Variants in FOXP1 observed in about 807,000 individuals in gnomAD.
FOXP1 encodes the protein forkhead box protein P1.
Under a neutral mutation model 98.2 loss-of-function variants are expected in FOXP1, and 15 were observed. The ratio of observed to expected loss-of-function variants is 0.15; its 90% CI spans 0.10 to 0.24. The LOEUF is 0.24. Among genes scored for constraint, FOXP1 ranks in the 10% least tolerant of loss-of-function variants. The pLI, the probability that FOXP1 is intolerant of heterozygous loss-of-function variation, is 1.00. For synonymous variants in FOXP1, 371 were observed against 314.5 expected, an observed-to-expected ratio of 1.18 and a Z score of -1.90; for missense variants, 633 against 848.5, an observed-to-expected ratio of 0.75 and a Z score of 3.15.
chr3:70,972,706 A>G (rs2036522882), intron 17 of FOXP1, 30 bp from the exon 18 acceptor site: 6 of 1,612,164 alleles, frequency 3.7e-6, no homozygotes, highest in Non-Finnish European at 5.1e-6. Flanking sequence ...GAGAACATTT[A>G]CATTTTCTAT....
Position 71,581,577 on chromosome 3 carries a change from G to C in FOXP1, c.-326C>G. The C allele has an allele frequency of 3.0e-6, 3 of 985,500 alleles. No homozygotes were observed. The highest frequency in any genetic ancestry group is 3.6e-6 in the Non-Finnish European group (3 of 829,974). The allele number at this position is 985,500 out of a possible 1,614,324, so 61.0% of individuals were successfully genotyped here. The stretch of plus-strand genomic sequence containing the variant: ...CGGAGTCCGGGGAGGGAGTAGGAGC[G>C]CCGCCTTCACGCCCGCGGAGGAGGC... On this transcript the variant is annotated 5_prime_UTR_variant, in exon 2 of 21. Transcript: ENST00000649528.
chr3:71,521,998 C>G (rs2043028331), intron 2 of FOXP1, among the ~76,000 whole-genome samples: 1 of 151,830 alleles, frequency 6.6e-6, no homozygotes, highest in Admixed American at 6.6e-5. Flanking sequence ...TGTTTGAAAG[C>G]AACAGAACAT....
At chr3:71,069,055 T>C (rs992295996) in intron 7 of FOXP1, among the ~76,000 whole-genome samples, 1 of 152,232 alleles carries the variant, frequency 6.6e-6, no homozygotes, top group African/African-American at 2.4e-5. Context: ...CATATTGATA[T>C]TGTTTATGTC....
At chr3:71,413,248 TCCCCCAAATAGAC>T (rs1201850204) in intron 3 of FOXP1, among the ~76,000 whole-genome samples, 1 of 20,134 alleles carries the variant, frequency 5.0e-5, no homozygotes, top group African/African-American at 2.1e-4. Context: ...CACACACACA[TCCCCCAAATAGAC>T]ACACACACAC....
At chr3:71,014,062 C>T (rs2044075034) in intron 12 of FOXP1, among the ~76,000 whole-genome samples, 3 of 152,232 alleles carry the variant, frequency 2.0e-5, no homozygotes, top group Admixed American at 1.3e-4. Flanking sequence ...AAAAAGAAAA[C>T]CTAGGCAATA....
intron 5 of FOXP1, among the ~76,000 whole-genome samples, chr3:71,293,918 T>C (rs1360111868): frequency 6.6e-6 from 1 of 152,214 alleles, no homozygotes; most frequent in African/African-American, 2.4e-5. Context: ...ACCATTCTCT[T>C]AGATTTAAAA....
intron 5 of FOXP1, among the ~76,000 whole-genome samples, chr3:71,231,576 C>A (rs1451969895): frequency 1.3e-5 from 2 of 152,198 alleles, no homozygotes; most frequent in Non-Finnish European, 2.9e-5. Flanking sequence ...GAATTCTGGA[C>A]ACTTCAAATT....
At chr3:71,237,971 A>C (rs993362085) in intron 5 of FOXP1, among the ~76,000 whole-genome samples, 1 of 152,224 alleles carries the variant, frequency 6.6e-6, no homozygotes, top group Non-Finnish European at 1.5e-5. Flanking sequence ...CGTTATACTA[A>C]AAGACTGAGA....
At chr3:71,189,253 A>G (rs1389361940) in intron 6 of FOXP1, among the ~76,000 whole-genome samples, 1 of 152,240 alleles carries the variant, frequency 6.6e-6, no homozygotes, top group Non-Finnish European at 1.5e-5. Flanking sequence ...TATGGAACAA[A>G]GACTTTATCA....
At chr3:71,407,569 T>A (rs1441543418) in intron 3 of FOXP1, among the ~76,000 whole-genome samples, 1 of 152,152 alleles carries the variant, frequency 6.6e-6, no homozygotes, top group Non-Finnish European at 1.5e-5. Context: ...ACATCCTATC[T>A]TTAAAAGAAG....
At chr3:71,206,214 G>C (rs908266936) in intron 5 of FOXP1, among the ~76,000 whole-genome samples, 2 of 152,310 alleles carry the variant, frequency 1.3e-5, no homozygotes, top group Non-Finnish European at 2.9e-5. Flanking sequence ...ATGAGATCAA[G>C]GGCTTGTGCT....
chr3:71,312,267 G>A (rs1030376306), intron 4 of FOXP1, among the ~76,000 whole-genome samples: 3 of 152,196 alleles, frequency 2.0e-5, no homozygotes, highest in East Asian at 1.9e-4. Flanking sequence ...GGACTTCAGC[G>A]AAAGAAAGGT....
chr3:71,205,745 G>A (rs1293512267), intron 5 of FOXP1, among the ~76,000 whole-genome samples: 1 of 152,204 alleles, frequency 6.6e-6, no homozygotes, highest in Non-Finnish European at 1.5e-5. Context: ...AACGCAGGAG[G>A]TGCAGGGCTT....
At chr3:71,175,639 C>G (rs1377261983) in intron 6 of FOXP1, among the ~76,000 whole-genome samples, 1 of 152,134 alleles carries the variant, frequency 6.6e-6, no homozygotes, top group African/African-American at 2.4e-5. Flanking sequence ...CATGGTAAAG[C>G]AAGGACTCAC....
chr3:71,102,651 A>G (rs2057066645), intron 7 of FOXP1, among the ~76,000 whole-genome samples: 1 of 152,220 alleles, frequency 6.6e-6, no homozygotes. Flanking sequence ...TTTCAATTAT[A>G]AGCACTATTT....
intron 11 of FOXP1, among the ~76,000 whole-genome samples, chr3:71,023,867 C>T (rs112094692): frequency 5.7e-4 from 86 of 152,196 alleles, no homozygotes; most frequent in Non-Finnish European, 1.3e-4. Flanking sequence ...CTCAGTCACA[C>T]AAAATGATAC....
At chr3:71,382,688 C>T (rs1281548362) in intron 3 of FOXP1, among the ~76,000 whole-genome samples, 1 of 152,196 alleles carries the variant, frequency 6.6e-6, no homozygotes, top group East Asian at 1.9e-4. Context: ...AAAAGCAGAG[C>T]AGAGAGCTGG....
chr3:71,554,095 C>T (rs1351971476), intron 2 of FOXP1, among the ~76,000 whole-genome samples: 2 of 152,274 alleles, frequency 1.3e-5, no homozygotes, highest in African/African-American at 2.4e-5. Context: ...CACCTATAAT[C>T]CCAACCTTTT....
At chr3:71,154,583 T>C (rs2060728518) in intron 6 of FOXP1, among the ~76,000 whole-genome samples, 1 of 152,204 alleles carries the variant, frequency 6.6e-6, no homozygotes, top group South Asian at 2.1e-4. Context: ...TCCTCACTGG[T>C]GGACAATATT....
Sources: allele counts gnomAD v4.1 joint callset (sites outside exome capture counted in the v4.1 genomes callset), GRCh38; gene constraint gnomAD v4.1.1; transcripts MANE v1.5; gene names NCBI Gene and HGNC (gene_info 2026-07-23, HGNC 2026-07-21).